TLL1: variants seen among roughly 807,000 people sequenced by gnomAD.
TLL1 encodes tolloid-like protein 1.
In TLL1, 49 loss-of-function variants were observed where a neutral mutation model predicts 128.2. The observed-to-expected ratio is 0.38, with a 90% CI of 0.30 to 0.48. The LOEUF is 0.48. Ranked by LOEUF, TLL1 falls within the 20% of genes least tolerant of loss-of-function variation. TLL1 has a pLI of 0.96. For synonymous variants in TLL1, 454 were observed against 418.8 expected (o/e 1.08, Z -1.03); for missense variants, 1,123 against 1,242.0 (o/e 0.90, Z 1.44).
At chr4:165,875,897 A>C (rs542749345) in intron 1 of TLL1, among the ~76,000 whole-genome samples, 2 of 150,824 alleles carry the variant, frequency 1.3e-5, no homozygotes, top group Admixed American at 6.6e-5. Context: ...GCAAATAAAC[A>C]TCTAGGCAAG....
chr4:166,082,443 A>T (rs1741325797), intron 18 of TLL1, among the ~76,000 whole-genome samples: 1 of 152,156 alleles, frequency 6.6e-6, no homozygotes, highest in Non-Finnish European at 1.5e-5. Context: ...TCTGCATGTA[A>T]TGTAACTGTT....
In TLL1 at chr4:166,096,016, G is replaced by A. The variant is rs73861106; in HGVS notation, c.2657-3261G>A. ...CCTATTGACCATTGCTTGAGTGGCC[G>A]GGAGGATTCTGGAAAACACTCAGAA... On this transcript the variant is annotated intron_variant, in intron 19 of 20. Transcript: ENST00000061240. 6.0e-3 allele frequency among the ~76,000 whole-genome samples: 918 copies of A among 152,146 alleles called. 15 individuals are homozygous for A. The highest frequency in any genetic ancestry group is 0.021 in the African/African-American group (859 of 41,528).
Position 166,043,333 on chromosome 4 carries a change from G to T in TLL1, c.1438G>T (p.Asp480Tyr). ...ACAGATTCAGTCTCCCAATTATCCT[G>T]ATGACTATCGCCCGATGAAAGAATG... The part of the protein sequence containing the change: ...EGQIQSPNYP[D>Y]DYRPMKECVW... The change falls in exon 12 of 21, where the codon GAT becomes TAT. Residue 480 changes from aspartate to tyrosine, a missense_variant. Asp to Tyr is a radical substitution (Grantham distance 160). Coordinates refer to ENST00000061240, the MANE Select transcript of TLL1 (RefSeq NM_012464.5). 2 of 1,614,134 alleles carry T rather than the reference G, an allele frequency of 1.2e-6. No homozygotes were observed. The highest frequency in any genetic ancestry group is 1.7e-6 in the Non-Finnish European group (2 of 1,179,992).
chr4:165,940,932 G>T (rs1733979457), intron 1 of TLL1, among the ~76,000 whole-genome samples: 1 of 151,960 alleles, frequency 6.6e-6, no homozygotes, highest in Admixed American at 6.6e-5. Flanking sequence ...AGCTGAAAAT[G>T]CCATACATTT....
chr4:165,986,852 T>C (rs1034918839), intron 1 of TLL1, among the ~76,000 whole-genome samples: 1 of 152,104 alleles, frequency 6.6e-6, no homozygotes, highest in African/African-American at 2.4e-5. Flanking sequence ...TTTTATTTTA[T>C]GTGTACTGCT....
intron 1 of TLL1, among the ~76,000 whole-genome samples, chr4:165,931,519 C>CT (rs1733516282): frequency 6.8e-6 from 1 of 146,908 alleles, no homozygotes; most frequent in Non-Finnish European, 1.5e-5. Context: ...GAGATTGAGA[C>CT]CTCCTGGCCA....
At chr4:165,939,009 C>CT (rs561059826) in intron 1 of TLL1, among the ~76,000 whole-genome samples, 5,164 of 146,368 alleles carry the variant, frequency 0.035, 292 homozygotes, top group African/African-American at 0.12. Flanking sequence ...CTTTGTTTTG[C>CT]TTTTTTTTTT....
At chr4:166,097,920 T>C (rs1826956) in intron 19 of TLL1, among the ~76,000 whole-genome samples, 51,887 of 151,930 alleles carry the variant, frequency 0.34, 9,510 homozygotes, top group East Asian at 0.59. Flanking sequence ...AACTCTACTT[T>C]CTCCTGACAC....
chr4:165,998,968 G>A (rs957069614), intron 5 of TLL1, among the ~76,000 whole-genome samples: 10 of 152,052 alleles, frequency 6.6e-5, no homozygotes, highest in Admixed American at 1.3e-4. Flanking sequence ...TCTTCTTTGC[G>A]AACAACAGAG....
At chr4:166,049,621 C>CT (rs59558982) in intron 12 of TLL1, among the ~76,000 whole-genome samples, 1 of 150,764 alleles carries the variant, frequency 6.6e-6, no homozygotes, top group East Asian at 1.9e-4. Context: ...CATGTTTGAA[C>CT]TTTTTTTTGA....
chr4:166,054,927 G>T (rs541938918), intron 12 of TLL1, 149 bp from the exon 13 acceptor site: 2 of 632,526 alleles, frequency 3.2e-6, no homozygotes, highest in South Asian at 2.2e-5. Flanking sequence ...TACAGTGTAC[G>T]TTCATGAGAA....
At chr4:165,994,274 A>T in intron 3 of TLL1, 107 bp from the exon 4 acceptor site, 1 of 1,355,854 alleles carries the variant, frequency 7.4e-7, no homozygotes, top group Non-Finnish European at 1.0e-6. Context: ...TCTGGCATTT[A>T]TACAAAAAAT....
intron 15 of TLL1, among the ~76,000 whole-genome samples, chr4:166,060,723 A>C (rs1308836952): frequency 6.6e-6 from 1 of 152,192 alleles, no homozygotes; most frequent in Non-Finnish European, 1.5e-5. Context: ...TACTCTACTA[A>C]AGGTACAGTT....
At chr4:166,091,026 GC>G in intron 18 of TLL1, 101 bp from the exon 19 acceptor site, 1 of 892,182 alleles carries the variant, frequency 1.1e-6, no homozygotes, top group East Asian at 2.6e-5. Flanking sequence ...TTATTAGTAT[GC>G]CCTGAACATA....
chr4:165,917,239 G>A (rs1395883120), intron 1 of TLL1, among the ~76,000 whole-genome samples: 1 of 152,064 alleles, frequency 6.6e-6, no homozygotes, highest in African/African-American at 2.4e-5. Context: ...TGCTTCTAGT[G>A]TTTGACTAGC....
chr4:165,909,267 A>G (rs1350688148), intron 1 of TLL1, among the ~76,000 whole-genome samples: 1 of 152,202 alleles, frequency 6.6e-6, no homozygotes, highest in Non-Finnish European at 1.5e-5. Flanking sequence ...GTTGAATGAG[A>G]TGGGAAACAA....
intron 5 of TLL1, among the ~76,000 whole-genome samples, chr4:166,003,167 A>G (rs1737247370): frequency 6.6e-6 from 1 of 152,216 alleles, no homozygotes; most frequent in Non-Finnish European, 1.5e-5. Context: ...TTTCTAATAT[A>G]TAGATAATTA....
chr4:165,983,558 A>G lies in TLL1; in HGVS notation c.170-5823A>G, dbSNP rs1358113747. 3.3e-5 allele frequency among the ~76,000 whole-genome samples: 5 copies of G among 151,806 alleles called. No individual in the cohort carries two copies. The South Asian group carries it at 6.2e-4, about 19-fold the overall frequency. On this transcript the variant is annotated intron_variant, in intron 1 of 20. Coordinates refer to ENST00000061240, the MANE Select transcript of TLL1 (RefSeq NM_012464.5). ...CCTTGTACTAACAGAATGTGTCTGTATCTGTATATGTATATAGATTTGTTT... is the reference window on the plus strand; with the variant it reads ...CCTTGTACTAACAGAATGTGTCTGTGTCTGTATATGTATATAGATTTGTTT...
chr4:165,909,477 A>G (rs148491751), intron 1 of TLL1, among the ~76,000 whole-genome samples: 171 of 152,328 alleles, frequency 1.1e-3, no homozygotes, highest in African/African-American at 4.0e-3. Context: ...GATTGTAGAT[A>G]AAGAAAAGAG....
Sources: allele counts gnomAD v4.1 joint callset (sites outside exome capture counted in the v4.1 genomes callset), GRCh38; gene constraint gnomAD v4.1.1; transcripts MANE v1.5; gene names NCBI Gene and HGNC (gene_info 2026-07-23, HGNC 2026-07-21).